ARHGAP35: variants seen among roughly 807,000 people sequenced by gnomAD.
ARHGAP35 encodes rho GTPase-activating protein 35.
A neutral mutation model predicts 111.1 loss-of-function variants in ARHGAP35; 15 were observed. That is an observed-to-expected ratio of 0.13 (90% confidence interval 0.09 to 0.21). ARHGAP35 has a LOEUF of 0.21. Ranked by LOEUF, ARHGAP35 falls within the 10% of genes least tolerant of loss-of-function variation. The pLI, the probability that ARHGAP35 is intolerant of heterozygous loss-of-function variation, is 1.00. For missense variants in ARHGAP35, 1,262 were observed against 1,873.0 expected, an observed-to-expected ratio of 0.67 and a Z score of 6.02; for synonymous variants, 643 against 710.3, an observed-to-expected ratio of 0.91 and a Z score of 1.51.
At chr19:46,862,029 G>T (rs1299465886) in intron 1 of ARHGAP35, among the ~76,000 whole-genome samples, 2 of 152,066 alleles carry the variant, frequency 1.3e-5, no homozygotes, top group Admixed American at 6.6e-5. Flanking sequence ...CCTCGGACTT[G>T]GCTGCACCGT....
chr19:46,948,668 G>C (rs1450933018), intron 3 of ARHGAP35: 3 of 152,192 alleles, frequency 2.0e-5, no homozygotes, highest in Admixed American at 6.5e-5. Context: ...AGACACACAA[G>C]ACCATGAACC....
At chr19:46,914,271 T>C (rs1408297418) in intron 1 of ARHGAP35, among the ~76,000 whole-genome samples, 1 of 152,118 alleles carries the variant, frequency 6.6e-6, no homozygotes, top group Non-Finnish European at 1.5e-5. Context: ...TTTTCACTTT[T>C]TGTAGCTATT....
intron 1 of ARHGAP35, among the ~76,000 whole-genome samples, chr19:46,876,250 G>T (rs140923309): frequency 1.3e-5 from 2 of 151,394 alleles, no homozygotes; most frequent in East Asian, 3.9e-4. Flanking sequence ...ACGTTCCATG[G>T]AGTACAGTGG....
At position 46,867,976 on chromosome 19, in the gene ARHGAP35, T is replaced by C. The variant is rs113990860; in HGVS notation, c.-189+6767T>C. On this transcript the variant is annotated intron_variant, in intron 1 of 6. Transcript: ENST00000672722. Reference sequence around the variant, plus strand: ...CCGCCTCCTGGATTCCAGCGATTCTTGTGCCTCAGCCTCCCAAGTAGCTGG... The same window carrying C: ...CCGCCTCCTGGATTCCAGCGATTCTCGTGCCTCAGCCTCCCAAGTAGCTGG... Among the ~76,000 whole-genome samples the C allele has an allele frequency of 6.5e-3, 988 of 152,298 alleles. 6 individuals are homozygous for C. Among genetic ancestry groups the C allele is most frequent in the Middle Eastern group, 0.02 (6 of 294 alleles).
At chr19:46,965,291 G>A (rs1317528605) in intron 3 of ARHGAP35, among the ~76,000 whole-genome samples, 1 of 152,142 alleles carries the variant, frequency 6.6e-6, no homozygotes. Context: ...CCAGCCTGGA[G>A]GACAAGAGCG....
At chr19:46,954,194 G>C (rs903521291) in intron 3 of ARHGAP35, among the ~76,000 whole-genome samples, 2 of 152,084 alleles carry the variant, frequency 1.3e-5, no homozygotes, top group African/African-American at 4.8e-5. Flanking sequence ...ATGAGAAAAA[G>C]AGAGCTATTG....
At chr19:46,925,699 A>C (rs1162067075) in intron 2 of ARHGAP35, among the ~76,000 whole-genome samples, 1 of 152,210 alleles carries the variant, frequency 6.6e-6, no homozygotes, top group East Asian at 1.9e-4. Context: ...TTAGGAGCTC[A>C]GGCTCTGGGA....
intron 3 of ARHGAP35, among the ~76,000 whole-genome samples, chr19:46,952,593 C>T (rs868714222): frequency 9.2e-5 from 14 of 152,242 alleles, no homozygotes; most frequent in Non-Finnish European, 1.6e-4. Flanking sequence ...ATTGCTGAGC[C>T]TCTGTTCTTC....
In ARHGAP35 at chr19:46,920,698, G is replaced by A. The variant is rs1228168147; in HGVS notation, c.2023G>A (p.Val675Met). ...TTCAAAGGAATCGCTATCCTATGTAGTGGAAAGTATAGAGAAGAGTAGAGA... is the reference window on the plus strand; with the variant it reads ...TTCAAAGGAATCGCTATCCTATGTAATGGAAAGTATAGAGAAGAGTAGAGA... ...YNSKESLSYV[V>M]ESIEKSREST... The change falls in exon 2 of 7, where the codon GTG becomes ATG. Residue 675 changes from valine to methionine, a missense_variant. This residue lies in a region of ARHGAP35 where 579 missense variants were observed against 716.9 expected (regional missense o/e 0.81). Transcript: ENST00000672722. This position sits in a 1 kb window ranked among gnomAD's most constrained non-coding sequence, Gnocchi z 7.0. 1 of 1,613,898 alleles carries A rather than the reference G, an allele frequency of 6.2e-7. No individual in the cohort carries two copies. Among genetic ancestry groups the A allele is most frequent in the East Asian group, 2.2e-5 (1 of 44,880 alleles).
At chr19:46,884,283 G>A (rs1390467415) in intron 1 of ARHGAP35, among the ~76,000 whole-genome samples, 1 of 151,996 alleles carries the variant, frequency 6.6e-6, no homozygotes, top group African/African-American at 2.4e-5. Flanking sequence ...CTACACTCCA[G>A]CCTGGGCAAC....
chr19:46,864,758 C>A (rs778588038), intron 1 of ARHGAP35, among the ~76,000 whole-genome samples: 44 of 152,138 alleles, frequency 2.9e-4, no homozygotes, highest in Admixed American at 1.2e-3. Flanking sequence ...ATTTTTGGTT[C>A]ATTTCCGTTG....
At chr19:46,995,196 C>G (rs1212592611) in intron 5 of ARHGAP35, among the ~76,000 whole-genome samples, 2 of 152,184 alleles carry the variant, frequency 1.3e-5, no homozygotes, top group African/African-American at 2.4e-5. Flanking sequence ...GCGGGCAGAT[C>G]ATGAGGTCAG....
chr19:46,898,332 A>G (rs2056068044), intron 1 of ARHGAP35, among the ~76,000 whole-genome samples: 1 of 152,160 alleles, frequency 6.6e-6, no homozygotes, highest in Non-Finnish European at 1.5e-5. Flanking sequence ...CAAAAACTCG[A>G]TTTAGTCAAA....
At chr19:46,997,477 A>T (rs1009388927) in intron 5 of ARHGAP35, 3 of 151,948 alleles carry the variant, frequency 2.0e-5, no homozygotes, top group Non-Finnish European at 2.9e-5. Context: ...CCAGCTGTGA[A>T]CTCTTCATTT....
chr19:46,888,481 G>T (rs1452941535), intron 1 of ARHGAP35, among the ~76,000 whole-genome samples: 2 of 149,894 alleles, frequency 1.3e-5, no homozygotes, highest in Non-Finnish European at 3.0e-5. Context: ...CATATATGCT[G>T]TAGATGGCCA....
chr19:46,903,646 C>G (rs1339081144), intron 1 of ARHGAP35, among the ~76,000 whole-genome samples: 1 of 152,214 alleles, frequency 6.6e-6, no homozygotes, highest in Admixed American at 6.5e-5. Context: ...TGATTTCCTT[C>G]TTAAGTCCGA....
At chr19:46,902,213 T>C (rs2056086112) in intron 1 of ARHGAP35, among the ~76,000 whole-genome samples, 1 of 152,202 alleles carries the variant, frequency 6.6e-6, no homozygotes, top group Admixed American at 6.5e-5. Flanking sequence ...CCACCTGACA[T>C]GTTAGTTGGC....
At position 46,980,495 on chromosome 19, in the gene ARHGAP35, C is replaced by T. The variant is rs565640274; in HGVS notation, c.3827-7494C>T. ...CCTGAGAGGAGAGGCGATTTACTCT[C>T]AGACACCCAGCCTAGCTATAAGACA... On this transcript the variant is annotated intron_variant, in intron 3 of 6. Transcript: ENST00000672722. Among the ~76,000 whole-genome samples the T allele has an allele frequency of 2.6e-5, 4 of 152,324 alleles. No homozygotes were observed. The East Asian group carries it at 7.7e-4, about 29-fold the overall frequency.
Position 46,919,601 on chromosome 19 carries a change from T to C in ARHGAP35, c.926T>C (p.Val309Ala). Residue 309 changes from valine to alanine, a missense_variant, in exon 2 of 7, where the codon GTC becomes GCC. Val to Ala is a moderately conservative substitution (Grantham distance 64, BLOSUM62 0). Coordinates refer to ENST00000672722, the MANE Select transcript of ARHGAP35 (RefSeq NM_004491.5). This position sits in a 1 kb window ranked among gnomAD's most constrained non-coding sequence, Gnocchi z 6.2. ...GCCTCTCCAGAATACCAGGACTATGTCTACCTGGAAGGGACTCAGAAAGCC... is the reference window on the plus strand; with the variant it reads ...GCCTCTCCAGAATACCAGGACTATGCCTACCTGGAAGGGACTCAGAAAGCC... ...MQASPEYQDY[V>A]YLEGTQKAKK... The C allele has an allele frequency of 1.2e-6, 2 of 1,613,934 alleles. No individual in the cohort carries two copies.
Sources: gnomAD v4.1 joint callset for allele counts (sites outside exome capture counted in the v4.1 genomes callset) on GRCh38, gnomAD v4.1.1 for gene constraint, gnomAD v4.1.1 regional missense constraint, Gnocchi (gnomAD v3.1) non-coding constraint, MANE v1.5 for transcripts, NCBI Gene and HGNC (gene_info 2026-07-23, HGNC 2026-07-21) for gene names.